RANBP2: variants seen among roughly 807,000 people sequenced by gnomAD.
RANBP2 encodes RAN binding protein 2.
A neutral mutation model predicts 303.6 loss-of-function variants in RANBP2; 57 were observed. The observed-to-expected ratio is 0.19, with a 90% CI of 0.15 to 0.23. RANBP2 has a LOEUF of 0.23. Ranked by LOEUF, RANBP2 falls within the 10% of genes least tolerant of loss-of-function variation. The pLI is 1.00. For synonymous variants in RANBP2, 1,167 were observed against 1,301.5 expected (o/e 0.90, Z 2.23); for missense variants, 3,138 against 3,780.8 (o/e 0.83, Z 4.46).
At chr2:108,810,298 A>C in the RANBP2 span, among the ~76,000 whole-genome samples, 1 of 152,240 alleles carries the variant, frequency 6.6e-6, no homozygotes, top group East Asian at 1.9e-4. Context: ...ATAGCTTTTA[A>C]TGTGTTGAAG....
At chr2:109,139,136 A>G in the RANBP2 span, among the ~76,000 whole-genome samples, 3 of 152,200 alleles carry the variant, frequency 2.0e-5, no homozygotes, top group African/African-American at 7.2e-5. Flanking sequence ...TTAACTCTTT[A>G]TAATCATATC....
the RANBP2 span, among the ~76,000 whole-genome samples, chr2:109,217,513 G>T: frequency 2.2e-4 from 33 of 152,266 alleles, 1 homozygote; most frequent in African/African-American, 7.2e-4. Context: ...AAGTCATCCC[G>T]GGCTTCCCCA....
At chr2:109,394,587 G>T in the RANBP2 span, among the ~76,000 whole-genome samples, 1 of 152,220 alleles carries the variant, frequency 6.6e-6, no homozygotes, top group Non-Finnish European at 1.5e-5. Flanking sequence ...ATTTTGTATG[G>T]AAGTTGAAAA....
the RANBP2 span, among the ~76,000 whole-genome samples, chr2:108,877,754 AAG>A: frequency 9.2e-5 from 14 of 152,350 alleles, no homozygotes; most frequent in African/African-American, 3.4e-4. Context: ...TGGCCAAAGA[AAG>A]AACTGCATGT....
chr2:108,724,326 T>C (rs1573680373), intron 1 of RANBP2, among the ~76,000 whole-genome samples: 2 of 152,296 alleles, frequency 1.3e-5, no homozygotes, highest in East Asian at 3.9e-4. Flanking sequence ...CATGCCCGGC[T>C]AATTTTTTCT....
the RANBP2 span, among the ~76,000 whole-genome samples, chr2:109,233,311 G>C: frequency 1.3e-5 from 2 of 152,196 alleles, no homozygotes; most frequent in Non-Finnish European, 2.9e-5. Flanking sequence ...CTCTCAGTGG[G>C]TTGGGGACCT....
the RANBP2 span, among the ~76,000 whole-genome samples, chr2:108,901,222 A>G: frequency 1.3e-5 from 2 of 152,202 alleles, no homozygotes. Flanking sequence ...AAACCAGACA[A>G]CAGTCTTCTA....
At chr2:109,447,419 G>A in the RANBP2 span, among the ~76,000 whole-genome samples, 74 of 152,260 alleles carry the variant, frequency 4.9e-4, no homozygotes, top group African/African-American at 1.6e-3. Context: ...GCATAGTTGG[G>A]GGCTGAGAAG....
At chr2:108,990,553 G>GGTGT in the RANBP2 span, among the ~76,000 whole-genome samples, 1 of 152,040 alleles carries the variant, frequency 6.6e-6, no homozygotes, top group African/African-American at 2.4e-5. Context: ...CCGAGATTGT[G>GGTGT]CCACTGCACT....
At chr2:109,555,560 T>C in the RANBP2 span, among the ~76,000 whole-genome samples, 1 of 152,182 alleles carries the variant, frequency 6.6e-6, no homozygotes, top group African/African-American at 2.4e-5. Flanking sequence ...TTCTCATAAA[T>C]GCAGAATGTT....
the RANBP2 span, among the ~76,000 whole-genome samples, chr2:109,108,262 A>G: frequency 6.6e-6 from 1 of 151,296 alleles, no homozygotes; most frequent in Non-Finnish European, 1.5e-5. Flanking sequence ...GATGGTTTTG[A>G]TCTCTTGACC....
At chr2:109,627,417 G>A in the RANBP2 span, among the ~76,000 whole-genome samples, 18 of 152,224 alleles carry the variant, frequency 1.2e-4, 1 homozygote, top group East Asian at 2.9e-3. Context: ...GGATGGTTTC[G>A]AACCTCTGAG....
the RANBP2 span, among the ~76,000 whole-genome samples, chr2:109,180,054 C>G: frequency 6.6e-6 from 1 of 152,036 alleles, no homozygotes; most frequent in Non-Finnish European, 1.5e-5. Flanking sequence ...AAGGTTTGCT[C>G]TCTGTGGGGA....
the RANBP2 span, among the ~76,000 whole-genome samples, chr2:109,312,193 A>G: frequency 6.6e-6 from 1 of 152,204 alleles, no homozygotes; most frequent in Non-Finnish European, 1.5e-5. Flanking sequence ...AAAATCTTAC[A>G]CAATCTTACA....
chr2:109,416,421 C>A, the RANBP2 span, among the ~76,000 whole-genome samples: 2 of 152,076 alleles, frequency 1.3e-5, no homozygotes, highest in African/African-American at 4.8e-5. Context: ...ATGGCGAAAC[C>A]CCCCCGTTTC....
the RANBP2 span, among the ~76,000 whole-genome samples, chr2:109,209,949 G>C: frequency 6.6e-6 from 1 of 152,144 alleles, no homozygotes; most frequent in African/African-American, 2.4e-5. Flanking sequence ...TTTCCAAACT[G>C]TGTCCCCATT....
At chr2:109,388,201 G>A in the RANBP2 span, among the ~76,000 whole-genome samples, 4 of 152,280 alleles carry the variant, frequency 2.6e-5, no homozygotes, top group East Asian at 3.9e-4. Context: ...CTATGGTTAT[G>A]TCCTGTCTGT....
the RANBP2 span, among the ~76,000 whole-genome samples, chr2:108,867,979 G>T: frequency 1.2e-4 from 19 of 152,284 alleles, no homozygotes; most frequent in African/African-American, 4.6e-4. Flanking sequence ...GATTAAAATA[G>T]CTCTTATCTG....
chr2:109,436,775 G>C, the RANBP2 span: 2 of 1,438,906 alleles, frequency 1.4e-6, no homozygotes. Flanking sequence ...CTCGTCCCCA[G>C]ATCAGTTGGC....
Sources: allele counts gnomAD v4.1 joint callset (sites outside exome capture counted in the v4.1 genomes callset), GRCh38; gene constraint gnomAD v4.1.1; transcripts MANE v1.5; gene names NCBI Gene and HGNC (gene_info 2026-07-23, HGNC 2026-07-21).